Variants in SGCZ observed in about 807,000 individuals in gnomAD.
The protein encoded by SGCZ is sarcoglycan zeta.
A neutral mutation model predicts 41.3 loss-of-function variants in SGCZ; 40 were observed. The observed-to-expected ratio is 0.97, with a 90% CI of 0.75 to 1.26. SGCZ has a LOEUF of 1.26. SGCZ is among the 50% of genes most tolerant of loss of function. The pLI is 0.00. For missense variants in SGCZ, 552 were observed against 369.8 expected (o/e 1.49, Z -4.04); for synonymous variants, 206 against 137.5 (o/e 1.50, Z -3.49).
intron 5 of SGCZ, among the ~76,000 whole-genome samples, chr8:14,120,855 C>T (rs576312492): frequency 6.6e-6 from 1 of 151,924 alleles, no homozygotes; most frequent in Admixed American, 6.6e-5. Context: ...ATAATTTTAC[C>T]AAAAACTTTG....
intron 5 of SGCZ, among the ~76,000 whole-genome samples, chr8:14,124,137 T>A (rs1032619246): frequency 2.0e-5 from 3 of 152,210 alleles, no homozygotes; most frequent in Non-Finnish European, 4.4e-5. Context: ...GAACTGGAAA[T>A]AATAAATTTG....
intron 1 of SGCZ, among the ~76,000 whole-genome samples, chr8:14,768,714 T>C (rs1294927907): frequency 6.6e-6 from 1 of 152,010 alleles, no homozygotes; most frequent in Non-Finnish European, 1.5e-5. Flanking sequence ...ACTAATTTTG[T>C]AATATGCTCT....
At chr8:15,234,758 C>A (rs1028446908) in intron 1 of SGCZ, among the ~76,000 whole-genome samples, 35 of 151,876 alleles carry the variant, frequency 2.3e-4, no homozygotes, top group African/African-American at 8.5e-4. Context: ...CCCAGCACAG[C>A]AAAAAATAAA....
At chr8:14,327,591 T>C (rs930564100) in intron 2 of SGCZ, among the ~76,000 whole-genome samples, 9 of 152,176 alleles carry the variant, frequency 5.9e-5, no homozygotes, top group Non-Finnish European at 1.3e-4. Flanking sequence ...TGGCTGGAAA[T>C]AAGAGGACTG....
intron 1 of SGCZ, among the ~76,000 whole-genome samples, chr8:14,724,445 T>G (rs1167773970): frequency 6.6e-6 from 1 of 151,918 alleles, no homozygotes; most frequent in Non-Finnish European, 1.5e-5. Flanking sequence ...TTAATTAAAC[T>G]ATTGTATTAT....
At chr8:14,996,633 T>C (rs1585451860) in intron 1 of SGCZ, among the ~76,000 whole-genome samples, 1 of 152,202 alleles carries the variant, frequency 6.6e-6, no homozygotes, top group South Asian at 2.1e-4. Flanking sequence ...TCTACAGTTA[T>C]AACCAAGAGG....
Position 14,916,262 on chromosome 8 carries a change from C to T in SGCZ, c.39+321323G>A, listed in dbSNP as rs892512731. On this transcript the variant is annotated intron_variant, in intron 1 of 7. Transcript: ENST00000382080. ...TTAAGATTATATAATGTAAGTGTAA[C>T]TCAAACATAGCAGCAGTCATGCTGT... 6.6e-5 allele frequency among the ~76,000 whole-genome samples: 10 copies of T among 152,128 alleles called. No homozygotes were observed. The East Asian group carries it at 1.9e-3, about 29-fold the overall frequency.
At chr8:15,205,668 T>A (rs1207682606) in intron 1 of SGCZ, among the ~76,000 whole-genome samples, 2 of 152,138 alleles carry the variant, frequency 1.3e-5, no homozygotes, top group Non-Finnish European at 2.9e-5. Context: ...TTGGTGGGAA[T>A]GTAAATTAGT....
At chr8:15,111,011 G>T (rs1273679502) in intron 1 of SGCZ, among the ~76,000 whole-genome samples, 1 of 152,104 alleles carries the variant, frequency 6.6e-6, no homozygotes, top group African/African-American at 2.4e-5. Flanking sequence ...TTTTAAAATA[G>T]CATAACCAAC....
chr8:14,449,341 A>G (rs1214917886), intron 2 of SGCZ, among the ~76,000 whole-genome samples: 2 of 152,208 alleles, frequency 1.3e-5, no homozygotes, highest in African/African-American at 4.8e-5. Context: ...CAAAAATACA[A>G]GATGAATGAT....
At chr8:14,359,231 C>T (rs1263206606) in intron 2 of SGCZ, among the ~76,000 whole-genome samples, 1 of 152,014 alleles carries the variant, frequency 6.6e-6, no homozygotes, top group Non-Finnish European at 1.5e-5. Context: ...CCTAAAATCA[C>T]CAAGAGAAAA....
At chr8:15,127,635 C>T (rs1478039585) in intron 1 of SGCZ, among the ~76,000 whole-genome samples, 1 of 152,096 alleles carries the variant, frequency 6.6e-6, no homozygotes, top group Non-Finnish European at 1.5e-5. Context: ...ATATTATCAG[C>T]ACTTCTTGGA....
chr8:14,700,864 A>T (rs1809113591), intron 1 of SGCZ, among the ~76,000 whole-genome samples: 1 of 150,868 alleles, frequency 6.6e-6, no homozygotes, highest in South Asian at 2.1e-4. Context: ...TTAAAGCATT[A>T]TTAAAGGAGG....
chr8:14,568,781 C>T (rs1490254692), intron 1 of SGCZ, among the ~76,000 whole-genome samples: 1 of 152,164 alleles, frequency 6.6e-6, no homozygotes, highest in Non-Finnish European at 1.5e-5. Context: ...CTTTGAGAAT[C>T]ACCGTAGTGC....
intron 1 of SGCZ, among the ~76,000 whole-genome samples, chr8:15,001,945 C>T (rs1802439800): frequency 6.6e-6 from 1 of 152,016 alleles, no homozygotes; most frequent in South Asian, 2.1e-4. Flanking sequence ...ATGATACCAG[C>T]TTTTGAGGGT....
chr8:14,332,934 C>CAT (rs775959252), intron 2 of SGCZ, among the ~76,000 whole-genome samples: 2 of 142,676 alleles, frequency 1.4e-5, no homozygotes, highest in East Asian at 2.0e-4. Context: ...CATATATATA[C>CAT]ATATATGTGT....
chr8:14,547,834 C>T (rs1803677538), intron 2 of SGCZ, among the ~76,000 whole-genome samples: 1 of 152,170 alleles, frequency 6.6e-6, no homozygotes, highest in East Asian at 1.9e-4. Flanking sequence ...ATCAGGTTAA[C>T]ATCATCAATC....
intron 1 of SGCZ, among the ~76,000 whole-genome samples, chr8:14,712,791 GT>G (rs1809564007): frequency 6.6e-6 from 1 of 152,088 alleles, no homozygotes; most frequent in Non-Finnish European, 1.5e-5. Context: ...TAGTAACCCT[GT>G]TTAAATATGT....
chr8:14,602,423 G>C lies in SGCZ; in HGVS notation c.40-47497C>G, dbSNP rs541871006. On this transcript the variant is annotated intron_variant, in intron 1 of 7. Coordinates refer to ENST00000382080, the MANE Select transcript of SGCZ (RefSeq NM_139167.4). Reference sequence around the variant, plus strand: ...GGTAATTGGGAGGCCGAGGTGGGAAGAATTACCTGGGAGGTAATTGGGAGG... The same window carrying C: ...GGTAATTGGGAGGCCGAGGTGGGAACAATTACCTGGGAGGTAATTGGGAGG... Among the ~76,000 whole-genome samples the C allele has an allele frequency of 6.6e-5, 10 of 152,112 alleles. No homozygotes were observed. In the East Asian group the frequency reaches 1.9e-3, roughly 30 times the overall value.
Sources: allele counts gnomAD v4.1 joint callset (sites outside exome capture counted in the v4.1 genomes callset), GRCh38; gene constraint gnomAD v4.1.1; transcripts MANE v1.5; gene names NCBI Gene and HGNC (gene_info 2026-07-23, HGNC 2026-07-21).